Variants in ASTN2 observed in about 807,000 individuals in gnomAD.
The protein encoded by ASTN2 is astrotactin-2.
A neutral mutation model predicts 139.8 loss-of-function variants in ASTN2; 54 were observed. The observed-to-expected ratio is 0.39, with a 90% CI of 0.31 to 0.48. The LOEUF is 0.48. ASTN2 is among the 20% of genes least tolerant of loss of function. The pLI is 0.95. For synonymous variants in ASTN2, 756 were observed against 719.5 expected, an observed-to-expected ratio of 1.05 and a Z score of -0.81; for missense variants, 1,565 against 1,725.1, an observed-to-expected ratio of 0.91 and a Z score of 1.64.
chr9:116,956,094 CTTTTTTT>C (rs71379245), intron 10 of ASTN2, among the ~76,000 whole-genome samples: 8 of 119,154 alleles, frequency 6.7e-5, no homozygotes, highest in East Asian at 2.5e-4. Context: ...TTTTTCTTTT[CTTTTTTT>C]TTTTTTTTTT....
At chr9:117,094,044 A>T (rs540185813) in intron 5 of ASTN2, among the ~76,000 whole-genome samples, 1 of 148,192 alleles carries the variant, frequency 6.7e-6, no homozygotes, top group African/African-American at 2.5e-5. Flanking sequence ...TGCCTAGAAG[A>T]GTGGCAGGCA....
chr9:116,582,079 GTTTAATTGATAA>G, intron 19 of ASTN2: 1 of 152,310 alleles, frequency 6.6e-6, no homozygotes, highest in Non-Finnish European at 1.5e-5. Context: ...CATAAGCCGA[GTTTAATTGATAA>G]TTTCACTGTC....
intron 17 of ASTN2, among the ~76,000 whole-genome samples, chr9:116,633,219 T>C (rs929046236): frequency 3.3e-5 from 5 of 152,226 alleles, no homozygotes; most frequent in African/African-American, 1.2e-4. Context: ...GACATAGCCA[T>C]ATCAGTAGCC....
chr9:117,141,257 C>G, intron 4 of ASTN2, 69 bp downstream of exon 4: 1 of 1,315,788 alleles, frequency 7.6e-7, no homozygotes, highest in Non-Finnish European at 1.0e-6. Flanking sequence ...ATGCACAGAT[C>G]TCCCTAGCAT....
At chr9:116,830,630 A>T (rs1269951301) in intron 11 of ASTN2, among the ~76,000 whole-genome samples, 1 of 98,028 alleles carries the variant, frequency 1.0e-5, no homozygotes, top group South Asian at 3.5e-4. Context: ...TGTCTCTACT[A>T]AAAGTACAAA....
intron 19 of ASTN2, among the ~76,000 whole-genome samples, chr9:116,513,491 T>C (rs938478772): frequency 2.0e-5 from 3 of 151,252 alleles, no homozygotes; most frequent in Non-Finnish European, 2.9e-5. Flanking sequence ...GGAGTTGCTC[T>C]TCTCAAGGAG....
intron 19 of ASTN2, among the ~76,000 whole-genome samples, chr9:116,553,192 G>A (rs1006239264): frequency 1.3e-5 from 2 of 152,008 alleles, no homozygotes; most frequent in African/African-American, 4.8e-5. Flanking sequence ...ACCTGCAGAC[G>A]TGCCAGGGAA....
chr9:117,307,785 T>C (rs1358762885), intron 1 of ASTN2, among the ~76,000 whole-genome samples: 2 of 152,176 alleles, frequency 1.3e-5, no homozygotes, highest in East Asian at 3.9e-4. Flanking sequence ...GGTACATAAA[T>C]GACATCAGGA....
At chr9:116,954,839 T>A (rs1835666655) in intron 10 of ASTN2, among the ~76,000 whole-genome samples, 1 of 152,166 alleles carries the variant, frequency 6.6e-6, no homozygotes. Flanking sequence ...AGCATGAGCA[T>A]CCCTTAGGAA....
chr9:117,371,644 A>G (rs1005148249), intron 1 of ASTN2, among the ~76,000 whole-genome samples: 4 of 152,196 alleles, frequency 2.6e-5, no homozygotes, highest in African/African-American at 9.6e-5. Context: ...ATAGAGTCAC[A>G]TCTCATCTCA....
intron 11 of ASTN2, among the ~76,000 whole-genome samples, chr9:116,825,464 T>C (rs984411987): frequency 6.6e-6 from 1 of 152,202 alleles, no homozygotes; most frequent in Admixed American, 6.5e-5. Context: ...GGAATCACGA[T>C]GTCTGACTAG....
chr9:116,909,865 T>C (rs1041385358), intron 10 of ASTN2, among the ~76,000 whole-genome samples: 14 of 152,198 alleles, frequency 9.2e-5, no homozygotes, highest in African/African-American at 3.1e-4. Flanking sequence ...GAATTGGTCA[T>C]TGGATTTGGC....
At chr9:116,427,741 T>C (rs1425914840) in intron 22 of ASTN2, among the ~76,000 whole-genome samples, 1 of 152,256 alleles carries the variant, frequency 6.6e-6, no homozygotes, top group Non-Finnish European at 1.5e-5. Flanking sequence ...TTTGTATAGT[T>C]CACCACTTGG....
chr9:116,952,821 C>T (rs1835603542), intron 10 of ASTN2, among the ~76,000 whole-genome samples: 2 of 152,118 alleles, frequency 1.3e-5, no homozygotes, highest in Non-Finnish European at 2.9e-5. Context: ...TTGATTACAG[C>T]CTTTGAGGAG....
chr9:116,719,598 A>G (rs1449553686), intron 16 of ASTN2, among the ~76,000 whole-genome samples: 2 of 152,176 alleles, frequency 1.3e-5, no homozygotes, highest in African/African-American at 4.8e-5. Context: ...CTAGAATGAT[A>G]GCAAATATCA....
intron 19 of ASTN2, among the ~76,000 whole-genome samples, chr9:116,538,202 G>A (rs1231454221): frequency 6.6e-6 from 1 of 151,432 alleles, no homozygotes; most frequent in East Asian, 1.9e-4. Context: ...AAGGGATGGA[G>A]GAAGGGAAAG....
At chr9:116,481,724 T>A (rs78692054) in intron 20 of ASTN2, among the ~76,000 whole-genome samples, 1 of 152,210 alleles carries the variant, frequency 6.6e-6, no homozygotes, top group Non-Finnish European at 1.5e-5. Context: ...ATTTTAGGAA[T>A]GAGAAGGATG....
At chr9:116,935,578 A>C (rs1200912459) in intron 10 of ASTN2, among the ~76,000 whole-genome samples, 14 of 151,638 alleles carry the variant, frequency 9.2e-5, no homozygotes, top group Admixed American at 9.2e-4. Flanking sequence ...CAAAAAAAAG[A>C]AAAAAAAAGA....
At position 116,698,225 on chromosome 9, in the gene ASTN2, G is replaced by C. The variant is rs768229782; in HGVS notation, c.2806+27546C>G. The C allele has an allele frequency of 1.2e-6, 2 of 1,614,136 alleles. No individual in the cohort carries two copies. The highest frequency in any genetic ancestry group is 8.5e-7 in the Non-Finnish European group (1 of 1,180,034). ...TAACTCGTCTGCGGGAACTTATGGGGGAGCTGCAGCGGCGGAAGGCAGCCT... is the reference window on the plus strand; with the variant it reads ...TAACTCGTCTGCGGGAACTTATGGGCGAGCTGCAGCGGCGGAAGGCAGCCT... On this transcript the variant is annotated intron_variant, in intron 16 of 22. Coordinates refer to ENST00000313400, the MANE Select transcript of ASTN2 (RefSeq NM_001365068.1). The surrounding 1 kb of genome is among the most constrained non-coding windows in gnomAD (Gnocchi z 4.4).
Sources: allele counts gnomAD v4.1 joint callset (sites outside exome capture counted in the v4.1 genomes callset), GRCh38; gene constraint gnomAD v4.1.1; non-coding constraint Gnocchi (gnomAD v3.1); transcripts MANE v1.5; gene names NCBI Gene and HGNC (gene_info 2026-07-23, HGNC 2026-07-21).